The following NPHP1 variants were observed in gnomAD, a reference collection of about 807,000 sequenced individuals.
The protein encoded by NPHP1 is nephrocystin-1.
NPHP1 carries 70 observed loss-of-function variants against 90.4 expected under a neutral mutation model. The observed-to-expected ratio is 0.77, with a 90% confidence interval of 0.64 to 0.95. The LOEUF is 0.95. Among genes scored for constraint, NPHP1 ranks in the 40% least tolerant of loss-of-function variants. NPHP1 has a pLI of 0.00. For missense variants in NPHP1, 764 were observed against 795.9 expected (o/e 0.96, Z 0.48); for synonymous variants, 256 against 271.7 (o/e 0.94, Z 0.57).
chr2:110,156,140 C>T (rs556211610), intron 11 of NPHP1, among the ~76,000 whole-genome samples: 7 of 150,018 alleles, frequency 4.7e-5, no homozygotes, highest in Non-Finnish European at 7.4e-5. Flanking sequence ...GACATGATCT[C>T]GGCTCACTGC....
intron 2 of NPHP1, among the ~76,000 whole-genome samples, chr2:110,193,487 G>A: frequency 6.6e-6 from 1 of 152,000 alleles, no homozygotes; most frequent in Non-Finnish European, 1.5e-5. Context: ...CCCAATACAG[G>A]AGCACCCAGA....
At chr2:110,181,652 T>C (rs945980446) in intron 2 of NPHP1, among the ~76,000 whole-genome samples, 2 of 151,958 alleles carry the variant, frequency 1.3e-5, no homozygotes, top group Non-Finnish European at 2.9e-5. Context: ...ACCTCAAAGA[T>C]CAAAGGCAAA....
intron 16 of NPHP1, among the ~76,000 whole-genome samples, chr2:110,135,118 T>TA (rs1680072483): frequency 6.6e-6 from 1 of 151,982 alleles, no homozygotes; most frequent in African/African-American, 2.4e-5. Flanking sequence ...AATCAACACG[T>TA]AAAAATCGTA....
rs140446520 is a variant in NPHP1, at chr2:110,178,520, A to G, written c.232T>C (p.Tyr78His). Residue 78 changes from tyrosine (Y) to histidine (H), a missense_variant, in exon 4 of 20, where the codon TAT becomes CAT. By Grantham distance (83) the Tyr-to-His change is moderately conservative (BLOSUM62 2). Transcript: ENST00000445609. ...KADESAPVAN[Y>H]NQRKEEEHTL... is the part of the protein sequence containing the mutation. ...TGCTCCTCTTCTTTTCTCTGATTAT[A>G]GTTTGCAACAGGTGCAGATTCATCA... 2.0e-3 allele frequency: 3,172 copies of G among 1,613,778 alleles called. 17 individuals carry two copies. Among genetic ancestry groups the G allele is most frequent in the Non-Finnish European group, 2.4e-3 (2,828 of 1,179,772 alleles).
intron 2 of NPHP1, among the ~76,000 whole-genome samples, chr2:110,197,104 T>C (rs2104697824): frequency 6.6e-6 from 1 of 151,912 alleles, no homozygotes; most frequent in Middle Eastern, 3.4e-3. Flanking sequence ...ACAAGGAGGG[T>C]AACAACATAC....
chr2:110,161,217 C>T (rs1331046135), intron 10 of NPHP1, among the ~76,000 whole-genome samples: 1 of 152,258 alleles, frequency 6.6e-6, no homozygotes, highest in African/African-American at 2.4e-5. Flanking sequence ...TAATGGCTAA[C>T]ATCTATTGAG....
intron 16 of NPHP1, among the ~76,000 whole-genome samples, chr2:110,140,144 G>C (rs1288980404): frequency 6.6e-6 from 1 of 151,984 alleles, no homozygotes; most frequent in Non-Finnish European, 1.5e-5. Flanking sequence ...ACTCACGTTT[G>C]AAATTCCCAG....
intron 15 of NPHP1, 143 bp from the exon 16 acceptor site, chr2:110,143,784 A>G (rs1167681889): frequency 1.5e-6 from 1 of 666,162 alleles, no homozygotes; most frequent in South Asian, 1.7e-5. Flanking sequence ...ACCCTAAATG[A>G]GCTGAGAGAC....
chr2:110,202,908 A>G (rs1318534630), intron 1 of NPHP1, among the ~76,000 whole-genome samples: 2 of 152,140 alleles, frequency 1.3e-5, no homozygotes, highest in Non-Finnish European at 2.9e-5. Context: ...TTGACCCAGA[A>G]ATCCCATTTC....
chr2:110,204,173 T>C (rs1685760242), intron 1 of NPHP1, among the ~76,000 whole-genome samples: 1 of 152,192 alleles, frequency 6.6e-6, no homozygotes, highest in Admixed American at 6.5e-5. Flanking sequence ...TGTTACACCT[T>C]GTCAAGCTGC....
rs3838315 is a variant in NPHP1, at chr2:110,129,109, A to AGACCAGAT, written c.1716+76_1716+77insATCTGGTC. 361,682 of 1,038,172 alleles carry AGACCAGAT rather than the reference A, an allele frequency of 0.35. 68,044 individuals carry two copies. The highest frequency in any genetic ancestry group is 0.59 in the East Asian group (23,662 of 40,398). The allele number at this position is 1,038,172 out of a possible 1,614,324, so 64.3% of individuals were successfully genotyped here. A position where few individuals can be genotyped will look rare whatever the true frequency, so the allele number is the denominator to read the frequency against. The stretch of plus-strand genomic sequence containing the variant: ...ATCCTAGTAACAAAAAAAAAGGCCT[A>AGACCAGAT]GACAGAACTCATTAACACAGAGTGT... On this transcript the variant is annotated intron_variant, in intron 18 of 19. Coordinates refer to ENST00000445609, the MANE Select transcript of NPHP1 (RefSeq NM_001128178.3).
chr2:110,178,749 A>G (rs1165390603), intron 3 of NPHP1: 7 of 553,702 alleles, frequency 1.3e-5, no homozygotes, highest in Non-Finnish European at 2.2e-5. Flanking sequence ...ATAAAATTAT[A>G]CCACTTGTTT....
At chr2:110,194,431 A>C (rs1181919959) in intron 2 of NPHP1, among the ~76,000 whole-genome samples, 3 of 151,984 alleles carry the variant, frequency 2.0e-5, no homozygotes, top group Non-Finnish European at 2.9e-5. Context: ...TTCCTCGACA[A>C]ATACACCCTC....
chr2:110,192,118 T>C (rs1400244162), intron 2 of NPHP1, among the ~76,000 whole-genome samples: 1 of 152,058 alleles, frequency 6.6e-6, no homozygotes, highest in East Asian at 1.9e-4. Flanking sequence ...CTTCAAAGGA[T>C]TGCAGCTCCT....
chr2:110,165,237 C>G lies in NPHP1; in HGVS notation c.625-82G>C, dbSNP rs116047229. On this transcript the variant is annotated intron_variant, in intron 6 of 19. Coordinates refer to ENST00000445609, the MANE Select transcript of NPHP1 (RefSeq NM_001128178.3). ...AAAATACCAGTACTGCCACCTAACCCTCCAGTAAAAACAAAAACAAGCTTT... is the reference window on the plus strand; with the variant it reads ...AAAATACCAGTACTGCCACCTAACCGTCCAGTAAAAACAAAAACAAGCTTT... 3.3e-3 allele frequency: 3,467 copies of G among 1,050,912 alleles called. 82 individuals are homozygous for G. The African/African-American group carries it at 0.047, about 14-fold the overall frequency. 65.1% of individuals were successfully genotyped at this position (1,050,912 alleles called of 1,614,324 possible).
chr2:110,157,331 C>G (rs1309115502), intron 11 of NPHP1, among the ~76,000 whole-genome samples: 1 of 151,948 alleles, frequency 6.6e-6, no homozygotes, highest in Admixed American at 6.6e-5. Flanking sequence ...GAAACAGAAA[C>G]CAATTCAGCT....
At chr2:110,194,275 A>C (rs1293605086) in intron 2 of NPHP1, among the ~76,000 whole-genome samples, 1 of 152,134 alleles carries the variant, frequency 6.6e-6, no homozygotes, top group Admixed American at 6.5e-5. Flanking sequence ...CTAATAAAGA[A>C]GAAAAGAGAG....
chr2:110,143,642 C>CT lies in NPHP1; in HGVS notation c.1430-2dup. On this transcript the variant is annotated splice_acceptor_variant, in intron 15 of 19. Coordinates refer to ENST00000445609, the MANE Select transcript of NPHP1 (RefSeq NM_001128178.3). LOFTEE classifies it high-confidence loss of function. ...ATCTGGTAGAAAACACTGCCGTGTG[C>CT]TTTTAAGAAAAATCAAAAGTAACTC... The CT allele has an allele frequency of 6.2e-7, 1 of 1,609,112 alleles. No homozygotes were observed. The highest frequency in any genetic ancestry group is 8.5e-7 in the Non-Finnish European group (1 of 1,175,548).
intron 16 of NPHP1, among the ~76,000 whole-genome samples, chr2:110,140,142 T>C (rs138449721): frequency 1.3e-5 from 2 of 152,170 alleles, no homozygotes; most frequent in Non-Finnish European, 2.9e-5. Context: ...CAACTCACGT[T>C]TGAAATTCCC....
Sources: gnomAD v4.1 joint callset for allele counts (sites outside exome capture counted in the v4.1 genomes callset) on GRCh38, gnomAD v4.1.1 for gene constraint, MANE v1.5 for transcripts, NCBI Gene and HGNC (gene_info 2026-07-23, HGNC 2026-07-21) for gene names.